The following RYR2 variants were observed in gnomAD, a reference collection of about 807,000 sequenced individuals.
RYR2 encodes the protein ryanodine receptor 2.
Under a neutral mutation model 601.1 loss-of-function variants are expected in RYR2, and 227 were observed. The ratio of observed to expected loss-of-function variants is 0.38; its 90% CI spans 0.34 to 0.42. The LOEUF is 0.42. RYR2 is among the 10% of genes least tolerant of loss of function. RYR2 has a pLI of 1.00. For missense variants in RYR2, 4,646 were observed against 6,156.5 expected, an observed-to-expected ratio of 0.75 and a Z score of 8.21; for synonymous variants, 2,223 against 2,175.1, an observed-to-expected ratio of 1.02 and a Z score of -0.61.
At chr1:237,144,687 T>A (rs1367337735) in intron 1 of RYR2, among the ~76,000 whole-genome samples, 4 of 152,246 alleles carry the variant, frequency 2.6e-5, no homozygotes, top group Admixed American at 1.3e-4. Flanking sequence ...CTCTTATTTT[T>A]AATTTTTATT....
At chr1:237,584,649 G>GTTTTTTGT (rs763528934) in intron 29 of RYR2, among the ~76,000 whole-genome samples, 1,889 of 72,374 alleles carry the variant, frequency 0.026, 67 homozygotes, top group South Asian at 0.047. Flanking sequence ...CTCACCACCT[G>GTTTTTTGT]TTTTTTTTTT....
chr1:237,768,691 C>T (rs1694035963), intron 84 of RYR2, among the ~76,000 whole-genome samples: 1 of 152,178 alleles, frequency 6.6e-6, no homozygotes, highest in African/African-American at 2.4e-5. Context: ...TGATCCTGTA[C>T]CTTCTGCAGA....
At chr1:237,761,165 G>C in intron 84 of RYR2, 137 bp downstream of exon 84, 1 of 641,322 alleles carries the variant, frequency 1.6e-6, no homozygotes, top group East Asian at 2.9e-5. Context: ...TCATTTCAAA[G>C]TTCATAGTTG....
intron 1 of RYR2, among the ~76,000 whole-genome samples, chr1:237,147,565 A>G (rs1674159438): frequency 6.6e-6 from 1 of 152,194 alleles, no homozygotes; most frequent in African/African-American, 2.4e-5. Flanking sequence ...TGCAATTAAG[A>G]TTTCATTGGT....
At chr1:237,124,849 C>T (rs968624352) in intron 1 of RYR2, among the ~76,000 whole-genome samples, 18 of 152,158 alleles carry the variant, frequency 1.2e-4, no homozygotes, top group African/African-American at 3.9e-4. Context: ...CCCTGGCAAG[C>T]CAATTCTACT....
intron 42 of RYR2, 119 bp downstream of exon 42, chr1:237,631,660 A>G (rs916491882): frequency 1.7e-4 from 77 of 463,546 alleles, no homozygotes; most frequent in African/African-American, 4.3e-4. Flanking sequence ...ACAGAGGCTC[A>G]CTCTGTCGCC....
rs1016135630 is a variant in RYR2, at chr1:237,815,107, CCA to C, written c.14434-3926_14434-3925del. Among the ~76,000 whole-genome samples the C allele has an allele frequency of 2.6e-5, 4 of 151,630 alleles. 1 individual carries two copies. The highest frequency in any genetic ancestry group is 9.7e-5 in the African/African-American group (4 of 41,258). On this transcript the variant is annotated intron_variant, in intron 100 of 104. Transcript: ENST00000366574. ...TTAGGAGACGGATGAGGGAGGGAAG[CCA>C]CAGACTATAACATCTTGGAAATCAA...
chr1:237,587,161 A>G (rs1674616602), intron 29 of RYR2, among the ~76,000 whole-genome samples: 1 of 152,188 alleles, frequency 6.6e-6, no homozygotes, highest in Non-Finnish European at 1.5e-5. Flanking sequence ...GAATGGTTGA[A>G]AGCTTCTTAA....
chr1:237,432,464 G>A (rs1273620377), intron 12 of RYR2, among the ~76,000 whole-genome samples: 2 of 152,106 alleles, frequency 1.3e-5, no homozygotes, highest in Non-Finnish European at 2.9e-5. Flanking sequence ...ATTATCTGGT[G>A]AGTCGAAGTG....
At chr1:237,149,302 C>CAAACAA (rs76484926) in intron 1 of RYR2, among the ~76,000 whole-genome samples, 68,144 of 150,552 alleles carry the variant, frequency 0.45, 17,003 homozygotes, top group Non-Finnish European at 0.56. Flanking sequence ...CTACAAAAAA[C>CAAACAA]AAACAAAAAC....
intron 17 of RYR2, among the ~76,000 whole-genome samples, chr1:237,474,387 T>C (rs10925429): frequency 0.5 from 75,072 of 150,902 alleles, 19,785 homozygotes; most frequent in East Asian, 0.7. Flanking sequence ...GACAACGTAA[T>C]TGGTTTTACC....
Position 237,558,731 on chromosome 1 carries a change from A to G in RYR2, c.3215-7836A>G, listed in dbSNP as rs565130117. On this transcript the variant is annotated intron_variant, in intron 27 of 104. Transcript: ENST00000366574. ...TCTCTCCTTACAGTCTGTGATTTCC[A>G]TTATGTGTATGTTGGTATGGTTGAG... Among the ~76,000 whole-genome samples the G allele has an allele frequency of 4.6e-5, 7 of 151,918 alleles. No homozygotes were observed. In the South Asian group the frequency reaches 1.5e-3, roughly 32 times the overall value.
chr1:237,331,111 C>G, intron 3 of RYR2, 129 bp downstream of exon 3: 1 of 778,052 alleles, frequency 1.3e-6, no homozygotes, highest in Non-Finnish European at 2.2e-6. Flanking sequence ...TTGGAATGTC[C>G]TTAGGTTTGA....
chr1:237,793,784 A>G (rs1658744170), intron 94 of RYR2, 83 bp from the exon 95 acceptor site: 1 of 1,072,858 alleles, frequency 9.3e-7, no homozygotes, highest in East Asian at 2.6e-5. Context: ...ATTTCTTTCC[A>G]AAAGCTGTTT....
chr1:237,696,401 G>A (rs1388199498), intron 63 of RYR2, among the ~76,000 whole-genome samples: 1 of 152,038 alleles, frequency 6.6e-6, no homozygotes, highest in African/African-American at 2.4e-5. Flanking sequence ...TCCAAACACT[G>A]GAGGCCCTAG....
At chr1:237,442,755 T>A (rs1239643941) in intron 13 of RYR2, among the ~76,000 whole-genome samples, 1 of 152,192 alleles carries the variant, frequency 6.6e-6, no homozygotes, top group Non-Finnish European at 1.5e-5. Context: ...CTGACTTTTT[T>A]TCCCCATTGC....
Position 237,148,521 on chromosome 1 carries a change from A to ATTATAT in RYR2, c.48+105952_48+105953insTTATAT, listed in dbSNP as rs1417305977. Among the ~76,000 whole-genome samples the ATTATAT allele has an allele frequency of 5.0e-3, 219 of 43,968 alleles. 3 individuals carry two copies. Among genetic ancestry groups the ATTATAT allele is most frequent in the African/African-American group, 0.013 (181 of 14,004 alleles). The allele number at this position is 43,968 out of a possible 152,430, so 28.8% of individuals were successfully genotyped here. A position where few individuals can be genotyped will look rare whatever the true frequency, so the allele number is the denominator to read the frequency against. On this transcript the variant is annotated intron_variant, in intron 1 of 104. Coordinates refer to ENST00000366574, the MANE Select transcript of RYR2 (RefSeq NM_001035.3). ...TGTATCCCAGAACTTCAAGTAAAAA[A>ATTATAT]AAAAAAATATATATATATATATATA... is the stretch of plus-strand genomic sequence containing the variant.
intron 2 of RYR2, among the ~76,000 whole-genome samples, chr1:237,316,854 G>A (rs1189224805): frequency 6.6e-6 from 1 of 152,082 alleles, no homozygotes; most frequent in Non-Finnish European, 1.5e-5. Flanking sequence ...TATTTTTTAT[G>A]GACCTGGTAT....
intron 1 of RYR2, among the ~76,000 whole-genome samples, chr1:237,130,834 A>G (rs538054399): frequency 1.9e-4 from 29 of 152,172 alleles, no homozygotes; most frequent in Admixed American, 8.5e-4. Context: ...AATTATTTAT[A>G]TGATCAATTT....
Sources: allele counts gnomAD v4.1 joint callset (sites outside exome capture counted in the v4.1 genomes callset), GRCh38; gene constraint gnomAD v4.1.1; transcripts MANE v1.5; gene names NCBI Gene and HGNC (gene_info 2026-07-23, HGNC 2026-07-21).